BDP1: variants seen among roughly 807,000 people sequenced by gnomAD.
BDP1 encodes the protein BDP1 general transcription factor IIIB subunit, also known as transcription factor TFIIIB component B'' homolog.
BDP1 carries 169 observed loss-of-function variants against 266.6 expected under a neutral mutation model. That is an observed-to-expected ratio of 0.63 (90% CI 0.56 to 0.72). The LOEUF (loss-of-function observed/expected upper bound fraction) is 0.72, where lower values mean the gene tolerates loss of function less well. Among genes scored for constraint, BDP1 ranks in the 30% least tolerant of loss-of-function variants. BDP1 has a pLI of 0.00. For synonymous variants in BDP1, 1,090 were observed against 1,022.4 expected (o/e 1.07, Z -1.26); for missense variants, 3,015 against 3,053.8 (o/e 0.99, Z 0.30).
rs1761162469 is a variant in BDP1 at position 71,456,077 on chromosome 5, C to T, written c.200C>T (p.Ala67Val). The change falls in exon 1 of 39, where the codon GCT (alanine) becomes GTT (valine). Residue 67 changes from alanine to valine, a missense_variant. Physicochemically the swap from Ala to Val is moderately conservative, Grantham distance 64. Around this residue, in one of 3 missense-constraint regions of BDP1, gnomAD observed 2,383 missense variants for 2,404.9 expected, o/e 0.99. Coordinates refer to ENST00000358731, the MANE Select transcript of BDP1 (RefSeq NM_018429.3). ...DFGGAEPQEK[A>V]PRSSTEKTGG... ...GGTGGAGCGGAGCCCCAAGAAAAGG[C>T]TCCTAGGAGCAGGTAAGAGGTTGCA... 6.2e-7 allele frequency: 1 copy of T among 1,613,022 alleles called. No individual in the cohort carries two copies. The highest frequency in any genetic ancestry group is 1.3e-5 in the African/African-American group (1 of 75,052).
At chr5:71,499,598 C>T (rs552365413) in intron 13 of BDP1, among the ~76,000 whole-genome samples, 1 of 152,096 alleles carries the variant, frequency 6.6e-6, no homozygotes, top group African/African-American at 2.4e-5. Context: ...CCAGCCTGGG[C>T]AACAGAGCGA....
rs888238943 is a variant in BDP1 at position 71,509,520 on chromosome 5, C to T, written c.2428C>T (p.Arg810Ter). The change falls in exon 17 of 39, where the codon CGA (arginine) becomes TGA (stop). Residue 810 changes from arginine (R) to a stop codon, truncating the protein, a stop_gained. Coordinates refer to ENST00000358731, the MANE Select transcript of BDP1 (RefSeq NM_018429.3). LOFTEE classifies it high-confidence loss of function. Reference protein sequence around the residue: ...KLNQVPILRTRFQKPKPNIGR... With the variant: ...KLNQVPILRT ...TAACCAAGTCCCAATTCTAAGGACT[C>T]GATTTCAGAAACCAAAGCCAAATAT... 2 of 1,607,326 alleles carry T rather than the reference C, an allele frequency of 1.2e-6. No individual in the cohort carries two copies. The highest frequency in any genetic ancestry group is 1.1e-5 in the South Asian group (1 of 89,544).
intron 13 of BDP1, among the ~76,000 whole-genome samples, chr5:71,498,008 T>C (rs906267110): frequency 2.0e-5 from 3 of 151,974 alleles, no homozygotes; most frequent in Non-Finnish European, 4.4e-5. Context: ...TGGAGTGCAG[T>C]GGCGTGATCT....
intron 18 of BDP1, among the ~76,000 whole-genome samples, chr5:71,512,717 G>T (rs1764995127): frequency 6.6e-6 from 1 of 152,080 alleles, no homozygotes; most frequent in Non-Finnish European, 1.5e-5. Context: ...TACCACTCAT[G>T]GTTTTCAGGA....
intron 16 of BDP1, among the ~76,000 whole-genome samples, chr5:71,508,978 G>A (rs986295530): frequency 1.3e-5 from 2 of 152,198 alleles, no homozygotes; most frequent in Non-Finnish European, 2.9e-5. Flanking sequence ...AAGGTGAGGA[G>A]GGCAGACCTC....
chr5:71,482,977 G>A (rs1442405664), intron 7 of BDP1, among the ~76,000 whole-genome samples: 1 of 152,008 alleles, frequency 6.6e-6, no homozygotes, highest in Admixed American at 6.6e-5. Context: ...TACACACTTG[G>A]GTCATAAACA....
intron 6 of BDP1, among the ~76,000 whole-genome samples, chr5:71,469,453 T>G (rs1171637837): frequency 6.6e-6 from 1 of 152,156 alleles, no homozygotes; most frequent in Admixed American, 6.6e-5. Context: ...TGTGTATTTT[T>G]CTAGCTACTT....
intron 32 of BDP1, 51 bp downstream of exon 32, chr5:71,545,270 TAAA>T: frequency 1.6e-6 from 2 of 1,242,302 alleles, no homozygotes; most frequent in East Asian, 2.7e-5. Flanking sequence ...TTCCTCCATT[TAAA>T]AAAAAAAAGG....
chr5:71,498,838 C>A (rs1292214793), intron 13 of BDP1, among the ~76,000 whole-genome samples: 1 of 151,882 alleles, frequency 6.6e-6, no homozygotes, highest in Non-Finnish European at 1.5e-5. Flanking sequence ...ATTCTTGTGC[C>A]TCAGCCTCCT....
intron 21 of BDP1, among the ~76,000 whole-genome samples, 169 bp downstream of exon 21, chr5:71,516,440 A>C (rs996197128): frequency 1.3e-5 from 2 of 152,144 alleles, no homozygotes; most frequent in African/African-American, 4.8e-5. Flanking sequence ...TTTAAGTGAA[A>C]ATAGATTTAT....
chr5:71,495,407 CTG>C lies in BDP1; in HGVS notation c.1799+1_1799+2del. The C allele has an allele frequency of 1.3e-6, 2 of 1,558,124 alleles. No homozygotes were observed. Among genetic ancestry groups the C allele is most frequent in the Non-Finnish European group, 1.7e-6 (2 of 1,145,772 alleles). ...AAATGTTGACCTAAAAAATAATTCA[CTG>C]TAAGTATTTTATACGATAGGATTTA... is the stretch of plus-strand genomic sequence containing the variant. On this transcript the variant is annotated splice_donor_variant and coding_sequence_variant, in exon 12 of 39. Coordinates refer to ENST00000358731, the MANE Select transcript of BDP1 (RefSeq NM_018429.3). LOFTEE classifies it high-confidence loss of function.
At chr5:71,542,013 GTCAT>G (rs1766997502) in intron 29 of BDP1, 88 bp from the exon 30 acceptor site, 2 of 1,014,030 alleles carry the variant, frequency 2.0e-6, no homozygotes, top group Admixed American at 6.1e-5. Flanking sequence ...CACCTAACAG[GTCAT>G]TCACTCTATC....
chr5:71,568,637 C>T (rs1744161911), downstream of BDP1, among the ~76,000 whole-genome samples: 1 of 152,184 alleles, frequency 6.6e-6, no homozygotes, highest in Non-Finnish European at 1.5e-5. Flanking sequence ...AAATAGATCC[C>T]ATGTCCTCAG....
chr5:71,527,669 T>G (rs1051255064), intron 25 of BDP1, among the ~76,000 whole-genome samples: 2 of 152,212 alleles, frequency 1.3e-5, no homozygotes, highest in Admixed American at 1.3e-4. Context: ...TTATCATCAA[T>G]GGACACTTGG....
Position 71,455,785 on chromosome 5 carries a change from G to A in BDP1, c.-93G>A, listed in dbSNP as rs576081163. 46 of 1,063,506 alleles carry A rather than the reference G, an allele frequency of 4.3e-5. No individual in the cohort carries two copies. Among genetic ancestry groups the A allele is most frequent in the Non-Finnish European group, 6.1e-5 (45 of 740,856 alleles). The allele number at this position is 1,063,506 out of a possible 1,614,324, so 65.9% of individuals were successfully genotyped here. ...AGCTGGTGGTGTGGCTTTGTGGGGA[G>A]GGCGTAGTTCCTAATCCCCTTTCCG... On this transcript the variant is annotated 5_prime_UTR_variant, in exon 1 of 39. Coordinates refer to ENST00000358731, the MANE Select transcript of BDP1 (RefSeq NM_018429.3).
intron 15 of BDP1, 80 bp downstream of exon 15, chr5:71,502,871 T>A: frequency 4.1e-6 from 4 of 980,146 alleles, no homozygotes; most frequent in South Asian, 1.5e-5. Context: ...ACCCACATAC[T>A]TACATACATA....
chr5:71,522,473 A>AC lies in BDP1; in HGVS notation c.5179dup (p.Gln1727ProfsTer9), dbSNP rs1287076542. On this transcript the variant is annotated frameshift_variant, in exon 23 of 39. Transcript: ENST00000358731. LOFTEE classifies it high-confidence loss of function. ...TTTGCTGCAGAAAGGAGCTTCCAAC[A>AC]CCCAGCTCCTTCTAAAAGTAAGTTT... The AC allele has an allele frequency of 1.3e-6, 2 of 1,580,088 alleles. No homozygotes were observed. Among genetic ancestry groups the AC allele is most frequent in the Non-Finnish European group, 1.7e-6 (2 of 1,165,304 alleles).
chr5:71,477,221 A>G (rs897283479), intron 7 of BDP1, among the ~76,000 whole-genome samples: 1 of 150,300 alleles, frequency 6.7e-6, no homozygotes, highest in Admixed American at 6.6e-5. Context: ...GCAGCGGTGC[A>G]ACCATAGCTC....
chr5:71,467,260 C>T (rs911849029), intron 5 of BDP1, 94 bp from the exon 6 acceptor site: 15 of 1,019,612 alleles, frequency 1.5e-5, no homozygotes, highest in African/African-American at 9.7e-5. Context: ...ATATGATTGC[C>T]ATGCTAAACC....
Sources: allele counts gnomAD v4.1 joint callset (sites outside exome capture counted in the v4.1 genomes callset), GRCh38; gene constraint gnomAD v4.1.1; regional missense constraint gnomAD v4.1.1; transcripts MANE v1.5; gene names NCBI Gene and HGNC (gene_info 2026-07-23, HGNC 2026-07-21).